NR1H4: variants seen among roughly 807,000 people sequenced by gnomAD.
The protein encoded by NR1H4 is bile acid receptor.
Under a neutral mutation model 58.5 loss-of-function variants are expected in NR1H4, and 23 were observed. That is an observed-to-expected ratio of 0.39 (90% CI 0.28 to 0.56). NR1H4 has a LOEUF of 0.56. Ranked by LOEUF, NR1H4 falls within the 20% of genes least tolerant of loss-of-function variation. The probability of loss-of-function intolerance (pLI) is 0.58; values close to 1 mark genes in which losing one functional copy is unlikely to be tolerated. For missense variants in NR1H4, 487 were observed against 576.9 expected (o/e 0.84, Z 1.60); for synonymous variants, 214 against 198.0 (o/e 1.08, Z -0.68).
chr12:100,495,455 G>A (rs868153802), intron 3 of NR1H4, among the ~76,000 whole-genome samples: 1 of 152,080 alleles, frequency 6.6e-6, no homozygotes, highest in Non-Finnish European at 1.5e-5. Context: ...GAGCTAGGCT[G>A]GGCATAGTGG....
At chr12:100,512,941 A>G (rs983995859) in intron 4 of NR1H4, among the ~76,000 whole-genome samples, 4 of 152,218 alleles carry the variant, frequency 2.6e-5, no homozygotes, top group Non-Finnish European at 5.9e-5. Flanking sequence ...AAATGATCAG[A>G]TTGTGTAAAG....
intron 1 of NR1H4, among the ~76,000 whole-genome samples, chr12:100,481,605 C>T (rs1953382094): frequency 6.6e-6 from 1 of 151,814 alleles, no homozygotes; most frequent in Non-Finnish European, 1.5e-5. Flanking sequence ...GAAATCCTGT[C>T]TCTACAAAAA....
rs575580100 is a variant in NR1H4, at chr12:100,495,919, C to A, written c.79+2517C>A. On this transcript the variant is annotated intron_variant, in intron 3 of 10. Transcript: ENST00000392986. ...AAAAGACTGGCCCATGAATGAGTAG[C>A]CCACAGGCCTAACTCAGTACTCCTG... Among the ~76,000 whole-genome samples, 6 of 152,198 alleles carry A rather than the reference C, an allele frequency of 3.9e-5. No individual in the cohort carries two copies. In the South Asian group the frequency reaches 1.2e-3, roughly 32 times the overall value.
chr12:100,498,075 C>T (rs979742234), intron 3 of NR1H4, among the ~76,000 whole-genome samples: 1 of 152,172 alleles, frequency 6.6e-6, no homozygotes, highest in Non-Finnish European at 1.5e-5. Context: ...GTGAGATTCT[C>T]TGAACTTCAG....
At chr12:100,561,664 A>G (rs958046184) in intron 9 of NR1H4, among the ~76,000 whole-genome samples, 1 of 152,084 alleles carries the variant, frequency 6.6e-6, no homozygotes. Context: ...TTAGACATAC[A>G]CTCATTACAC....
chr12:100,535,976 C>T (rs929667095), intron 6 of NR1H4, among the ~76,000 whole-genome samples: 7 of 152,042 alleles, frequency 4.6e-5, no homozygotes, highest in African/African-American at 1.4e-4. Context: ...GCAAAAGTAG[C>T]AGAGACAATA....
chr12:100,480,139 A>G (rs1306334682), intron 1 of NR1H4, among the ~76,000 whole-genome samples: 4 of 152,224 alleles, frequency 2.6e-5, no homozygotes, highest in African/African-American at 9.6e-5. Flanking sequence ...GAATTAATGA[A>G]TATTGGATGA....
intron 4 of NR1H4, among the ~76,000 whole-genome samples, chr12:100,526,729 T>C (rs1441007873): frequency 6.6e-6 from 1 of 152,154 alleles, no homozygotes; most frequent in Admixed American, 6.5e-5. Context: ...GCTACATCAT[T>C]AGAGATCTGT....
At chr12:100,517,513 G>C (rs1406058598) in intron 4 of NR1H4, among the ~76,000 whole-genome samples, 1 of 152,150 alleles carries the variant, frequency 6.6e-6, no homozygotes, top group African/African-American at 2.4e-5. Context: ...ATATCTCTTT[G>C]ACATACTGAT....
intron 1 of NR1H4, among the ~76,000 whole-genome samples, chr12:100,491,367 T>C (rs1953601799): frequency 6.6e-6 from 1 of 151,736 alleles, no homozygotes. Context: ...TGTTTGAGGA[T>C]GAGGGTGAGG....
intron 10 of NR1H4, 23 bp downstream of exon 10, chr12:100,562,021 AT>A (rs1565788829): frequency 3.5e-6 from 4 of 1,139,466 alleles, no homozygotes; most frequent in Non-Finnish European, 5.3e-6. Context: ...TTACATTTTA[AT>A]TTTTATGCCA....
At chr12:100,508,377 G>C (rs1954020285) in intron 3 of NR1H4, among the ~76,000 whole-genome samples, 2 of 152,126 alleles carry the variant, frequency 1.3e-5, no homozygotes, top group African/African-American at 4.8e-5. Flanking sequence ...CCCAGTTATA[G>C]GTTATGTGCA....
chr12:100,534,919 A>G lies in NR1H4; in HGVS notation c.628A>G (p.Lys210Glu). The G allele has an allele frequency of 3.1e-6, 5 of 1,614,220 alleles. No individual in the cohort carries two copies. The highest frequency in any genetic ancestry group is 4.2e-6 in the Non-Finnish European group (5 of 1,180,020). The stretch of plus-strand genomic sequence containing the variant: ...GTTAACTGAAATTCAGTGTAAATCT[A>G]AGCGACTGAGAAAAAATGTGAAGCA... ...GLLTEIQCKS[K>E]RLRKNVKQHA... The change falls in exon 6 of 11, where the codon AAG (lysine) becomes GAG (glutamate). Residue 210 changes from lysine to glutamate, a missense_variant. Coordinates refer to ENST00000392986, the MANE Select transcript of NR1H4 (RefSeq NM_001206979.2).
At chr12:100,534,832 C>T in intron 5 of NR1H4, 58 bp from the exon 6 acceptor site, 1 of 1,606,232 alleles carries the variant, frequency 6.2e-7, no homozygotes, top group Non-Finnish European at 8.5e-7. Flanking sequence ...GGTTTTATGA[C>T]CACACACCCA....
intron 7 of NR1H4, 65 bp from the exon 8 acceptor site, chr12:100,536,883 T>A: frequency 1.0e-6 from 1 of 987,040 alleles, no homozygotes; most frequent in South Asian, 1.5e-5. Flanking sequence ...TTCTTTAGTC[T>A]AATGGTTTTA....
intron 4 of NR1H4, among the ~76,000 whole-genome samples, chr12:100,526,293 T>A (rs1192420659): frequency 6.6e-6 from 1 of 152,292 alleles, no homozygotes; most frequent in East Asian, 1.9e-4. Flanking sequence ...ATATATGCAT[T>A]TTAATGCTAT....
chr12:100,496,744 G>A (rs1566434176), intron 3 of NR1H4, among the ~76,000 whole-genome samples: 1 of 152,088 alleles, frequency 6.6e-6, no homozygotes, highest in South Asian at 2.1e-4. Context: ...CCCCTTCACT[G>A]CAGGTTATTA....
chr12:100,523,918 C>T (rs538685354), intron 4 of NR1H4, among the ~76,000 whole-genome samples: 68 of 152,044 alleles, frequency 4.5e-4, no homozygotes, highest in Non-Finnish European at 8.5e-4. Context: ...CTACATAACT[C>T]AGCTAAAATA....
At position 100,497,714 on chromosome 12, in the gene NR1H4, T is replaced by G. The variant is rs372842332; in HGVS notation, c.79+4312T>G. ...TTTAGTGGATTAAAAAAGGCGTCTC[T>G]GATGAATGAATAAGGCAAAGTTTTA... On this transcript the variant is annotated intron_variant, in intron 3 of 10. Coordinates refer to ENST00000392986, the MANE Select transcript of NR1H4 (RefSeq NM_001206979.2). Among the ~76,000 whole-genome samples, 11 of 152,298 alleles carry G rather than the reference T, an allele frequency of 7.2e-5. No homozygotes were observed. In the East Asian group the frequency reaches 1.5e-3, roughly 21 times the overall value.
Sources: allele counts gnomAD v4.1 joint callset (sites outside exome capture counted in the v4.1 genomes callset), GRCh38; gene constraint gnomAD v4.1.1; transcripts MANE v1.5; gene names NCBI Gene and HGNC (gene_info 2026-07-23, HGNC 2026-07-21).